Variants in SLC36A2 observed in about 807,000 individuals in gnomAD.
SLC36A2 encodes proton-coupled amino acid transporter 2.
A neutral mutation model predicts 42.7 loss-of-function variants in SLC36A2; 39 were observed. The observed-to-expected ratio is 0.91, with a 90% confidence interval of 0.71 to 1.19. The LOEUF (loss-of-function observed/expected upper bound fraction) is 1.19, where lower values mean the gene tolerates loss of function less well. SLC36A2 is among the 50% of genes most tolerant of loss of function. The pLI, the probability that SLC36A2 is intolerant of heterozygous loss-of-function variation, is 0.00. For synonymous variants in SLC36A2, 237 were observed against 240.8 expected (o/e 0.98, Z 0.15); for missense variants, 590 against 613.7 (o/e 0.96, Z 0.41).
chr5:151,335,885 A>C (rs1756141516), intron 5 of SLC36A2, among the ~76,000 whole-genome samples: 1 of 151,944 alleles, frequency 6.6e-6, no homozygotes, highest in South Asian at 2.1e-4. Flanking sequence ...AAAATTAGCC[A>C]GGTGTGGTGG....
chr5:151,326,442 A>G (rs770386181), intron 7 of SLC36A2, among the ~76,000 whole-genome samples: 1 of 152,186 alleles, frequency 6.6e-6, no homozygotes, highest in Non-Finnish European at 1.5e-5. Flanking sequence ...GACTCCAGGA[A>G]CACAGGGTGC....
chr5:151,344,701 G>A (rs1447412917), intron 1 of SLC36A2, among the ~76,000 whole-genome samples: 11 of 152,126 alleles, frequency 7.2e-5, no homozygotes. Flanking sequence ...CCCTACTTCT[G>A]CTGAGCTGCC....
At position 151,320,848 on chromosome 5, in the gene SLC36A2, T is replaced by C. The variant is rs76561237; in HGVS notation, c.1180+1198A>G. Among the ~76,000 whole-genome samples, 860 of 152,282 alleles carry C rather than the reference T, an allele frequency of 5.6e-3. 6 individuals are homozygous for C. Among genetic ancestry groups the C allele is most frequent in the African/African-American group, 0.02 (827 of 41,536 alleles). ...GCCCACTTTATACAACATTGTGAGG[T>C]TCAAACAACACCTGTTGCCAAATTA... On this transcript the variant is annotated intron_variant, in intron 9 of 9. Coordinates refer to ENST00000335244, the MANE Select transcript of SLC36A2 (RefSeq NM_181776.3).
chr5:151,325,129 A>G lies in SLC36A2; in HGVS notation c.1010+157T>C. The G allele has an allele frequency of 3.5e-6, 3 of 860,858 alleles. No homozygotes were observed. In the South Asian group the frequency reaches 4.3e-5, roughly 12 times the overall value. The allele number at this position is 860,858 out of a possible 1,614,324, so 53.3% of individuals were successfully genotyped here. ...TGTTGTTGAAGGAGGAACTCCCAGGACAGAGAATCTGGAGACCGTGGTTCC... is the reference window on the plus strand; with the variant it reads ...TGTTGTTGAAGGAGGAACTCCCAGGGCAGAGAATCTGGAGACCGTGGTTCC... On this transcript the variant is annotated intron_variant, in intron 8 of 9. Coordinates refer to ENST00000335244, the MANE Select transcript of SLC36A2 (RefSeq NM_181776.3).
At position 151,317,073 on chromosome 5, in the gene SLC36A2, A is replaced by G; in HGVS notation, c.1196T>C (p.Leu399Pro). ...MVCLTCLLAI[L>P]IPRLDLVISL... ...GATGACCAGGTCCAGGCGGGGGATG[A>G]GGATGGCCAGGAGGCCTGCAGGGAG... The change falls in exon 10 of 10, where the codon CTC becomes CCC. Residue 399 changes from leucine to proline, a missense_variant. By Grantham distance (98) the Leu-to-Pro change is moderately conservative. Transcript: ENST00000335244. 1.9e-6 allele frequency: 3 copies of G among 1,614,012 alleles called. No homozygotes were observed. Among genetic ancestry groups the G allele is most frequent in the Non-Finnish European group, 2.5e-6 (3 of 1,179,986 alleles).
Position 151,342,889 on chromosome 5 carries a change from T to C in SLC36A2, c.439A>G (p.Arg147Gly), listed in dbSNP as rs765921117. The C allele has an allele frequency of 2.4e-5, 38 of 1,613,662 alleles. No individual in the cohort carries two copies. Among genetic ancestry groups the C allele is most frequent in the Non-Finnish European group, 3.2e-5 (38 of 1,179,714 alleles). ...GCAGGCAAAGCAAGAACAGGTTACC[T>C]TCCCCAGTGAGCGTGATTCTGGAGC... ...AWLQNHAHWG[R>G]HIVSFFLIIT... The change falls in exon 4 of 10, where the codon AGG (arginine) becomes GGG (glycine). Residue 147 changes from arginine to glycine, a missense_variant and splice_region_variant. Coordinates refer to ENST00000335244, the MANE Select transcript of SLC36A2 (RefSeq NM_181776.3).
At chr5:151,317,548 C>A (rs927011992) in intron 9 of SLC36A2, among the ~76,000 whole-genome samples, 3 of 151,790 alleles carry the variant, frequency 2.0e-5, no homozygotes, top group Non-Finnish European at 2.9e-5. Context: ...CTCCAATATC[C>A]CTAATCATAT....
chr5:151,322,080 A>G lies in SLC36A2; in HGVS notation c.1146T>C (p.Asp382=). ...RVSTRWALPL[D]LSIRLVMVCL... is the part of the protein sequence containing the mutation. ...AGACCATGACGAGGCGAATGGACAG[A>G]TCCAGAGGCAGTGCCCAGCGTGTTG... Residue 382 remains aspartate, a synonymous_variant, in exon 9 of 10, where the codon GAT becomes GAC. Coordinates refer to ENST00000335244, the MANE Select transcript of SLC36A2 (RefSeq NM_181776.3). 2 of 1,614,212 alleles carry G rather than the reference A, an allele frequency of 1.2e-6. No homozygotes were observed. Among genetic ancestry groups the G allele is most frequent in the Non-Finnish European group, 1.7e-6 (2 of 1,180,038 alleles).
chr5:151,328,399 T>G (rs1755905968), intron 7 of SLC36A2, among the ~76,000 whole-genome samples: 1 of 152,208 alleles, frequency 6.6e-6, no homozygotes. Flanking sequence ...GTTTTTAACC[T>G]CAAGGGACAC....
Position 151,323,263 on chromosome 5 carries a change from AT to A in SLC36A2, c.1011-1049del, listed in dbSNP as rs554479878. ...AATAAATAGATAGATAGATAAATAA[AT>A]AAATAAATAAATAAATAAATAAATG... On this transcript the variant is annotated intron_variant, in intron 8 of 9. Transcript: ENST00000335244. Among the ~76,000 whole-genome samples, 439 of 122,110 alleles carry A rather than the reference AT, an allele frequency of 3.6e-3. 2 individuals carry two copies. The highest frequency in any genetic ancestry group is 0.015 in the African/African-American group (413 of 28,068). 80.1% of individuals were successfully genotyped at this position (122,110 alleles called of 152,430 possible).
intron 9 of SLC36A2, among the ~76,000 whole-genome samples, chr5:151,318,603 A>T (rs961902433): frequency 1.4e-5 from 2 of 146,502 alleles, no homozygotes; most frequent in Admixed American, 1.4e-4. Context: ...AAAATATAAT[A>T]AATATAAATA....
intron 8 of SLC36A2, 151 bp from the exon 9 acceptor site, chr5:151,322,366 G>T: frequency 1.1e-6 from 1 of 888,404 alleles, no homozygotes. Flanking sequence ...GAATCAAGAG[G>T]GAGTCACAGC....
In SLC36A2 at chr5:151,327,727, A is replaced by G. The variant is rs139050593; in HGVS notation, c.844-2275T>C. Among the ~76,000 whole-genome samples the G allele has an allele frequency of 5.1e-3, 772 of 152,334 alleles. 6 individuals carry two copies. The highest frequency in any genetic ancestry group is 9.6e-3 in the Non-Finnish European group (655 of 68,036). On this transcript the variant is annotated intron_variant, in intron 7 of 9. Coordinates refer to ENST00000335244, the MANE Select transcript of SLC36A2 (RefSeq NM_181776.3). ...AATGATCTTTTCACAAGGCCTGCTC[A>G]GACTGGGTAGCTGGCTTCCTTTCTT...
chr5:151,331,528 A>G (rs1755995866), intron 7 of SLC36A2, among the ~76,000 whole-genome samples: 1 of 151,978 alleles, frequency 6.6e-6, no homozygotes, highest in Non-Finnish European at 1.5e-5. Flanking sequence ...TATGTTGCCC[A>G]GGCTGGTCTC....
Position 151,316,816 on chromosome 5 carries a change from C to G in SLC36A2, c.*1G>C. 1 of 1,612,296 alleles carries G rather than the reference C, an allele frequency of 6.2e-7. No homozygotes were observed. The highest frequency in any genetic ancestry group is 8.5e-7 in the Non-Finnish European group (1 of 1,179,604). On this transcript the variant is annotated 3_prime_UTR_variant, in exon 10 of 10. Transcript: ENST00000335244. ...CTGGTAGGCAAGGAGCAGTGCCAGGCTCACCGAACAAAAGTGGTGGAGTTG... is the reference window on the plus strand; with the variant it reads ...CTGGTAGGCAAGGAGCAGTGCCAGGGTCACCGAACAAAAGTGGTGGAGTTG...
intron 8 of SLC36A2, among the ~76,000 whole-genome samples, chr5:151,324,832 G>A (rs1431361512): frequency 6.6e-6 from 1 of 152,060 alleles, no homozygotes; most frequent in Non-Finnish European, 1.5e-5. Flanking sequence ...TAGAAGTGGG[G>A]TCTTACCATG....
intron 4 of SLC36A2, among the ~76,000 whole-genome samples, chr5:151,339,376 G>C (rs369192838): frequency 6.6e-6 from 1 of 151,296 alleles, no homozygotes; most frequent in East Asian, 1.9e-4. Context: ...GTGCAATGGT[G>C]GGATCTCGGC....
rs747673214 is a variant in SLC36A2 at position 151,335,480 on chromosome 5, G to T, written c.593C>A (p.Thr198Asn). The T allele has an allele frequency of 1.2e-6, 2 of 1,614,034 alleles. No individual in the cohort carries two copies. The highest frequency in any genetic ancestry group is 1.3e-5 in the African/African-American group (1 of 74,928). ...GAGCATGTAGAGTCGCGAGTCCATG[G>T]TGGGGGTCAGAATCACCGTCTCATT... is the stretch of plus-strand genomic sequence containing the variant. Reference protein sequence around the residue: ...YSNETVILTPTMDSRLYMLSF... With the variant: ...YSNETVILTPNMDSRLYMLSF... Residue 198 changes from threonine (T) to asparagine (N), a missense_variant, in exon 6 of 10, where the codon ACC becomes AAC. Physicochemically the swap from Thr to Asn is moderately conservative, Grantham distance 65. Coordinates refer to ENST00000335244, the MANE Select transcript of SLC36A2 (RefSeq NM_181776.3).
At chr5:151,332,416 C>T (rs997212012) in intron 7 of SLC36A2, 21 of 455,842 alleles carry the variant, frequency 4.6e-5, no homozygotes, top group Non-Finnish European at 8.4e-5. Context: ...AAAACCTGTA[C>T]ACAAATGCTT....
Sources: gnomAD v4.1 joint callset for allele counts (sites outside exome capture counted in the v4.1 genomes callset) on GRCh38, gnomAD v4.1.1 for gene constraint, MANE v1.5 for transcripts, NCBI Gene and HGNC (gene_info 2026-07-23, HGNC 2026-07-21) for gene names.